Variants in ARHGAP11A observed in about 807,000 individuals in gnomAD.
The protein encoded by ARHGAP11A is Rho GTPase activating protein 11A, also known as rho GTPase-activating protein 11A.
ARHGAP11A carries 36 observed loss-of-function variants against 60.5 expected under a neutral mutation model. The observed-to-expected ratio is 0.59, with a 90% CI of 0.46 to 0.79. ARHGAP11A has a LOEUF of 0.79. Among genes scored for constraint, ARHGAP11A ranks in the 30% least tolerant of loss-of-function variants. The pLI is 0.00. For missense variants in ARHGAP11A, 1,071 were observed against 1,199.2 expected, an observed-to-expected ratio of 0.89 and a Z score of 1.58; for synonymous variants, 362 against 415.5, an observed-to-expected ratio of 0.87 and a Z score of 1.57.
intron 2 of ARHGAP11A, among the ~76,000 whole-genome samples, chr15:32,621,315 G>A (rs796338045): frequency 4.9e-5 from 5 of 102,344 alleles, no homozygotes; most frequent in Admixed American, 3.9e-4. Flanking sequence ...CTCAGCCTCC[G>A]GAGTAGCTGG....
rs1224407636 is a variant in ARHGAP11A, at chr15:32,633,091, A to G, written c.1218A>G (p.Ala406=). Residue 406 remains alanine (A), a synonymous_variant, in exon 9 of 12, where the codon GCA becomes GCG. Transcript: ENST00000361627. ...TGCCAAGGCGAAGTAAAAGAATTGC[A>G]GGCAAAAAAGTTTGCAGGTACTTTA... ...AGVPRRSKRI[A]GKKVCRVESG... 1 of 1,614,082 alleles carries G rather than the reference A, an allele frequency of 6.2e-7. No individual in the cohort carries two copies. The highest frequency in any genetic ancestry group is 1.1e-5 in the South Asian group (1 of 91,080).
rs2053717848 is a variant in ARHGAP11A at position 32,636,519 on chromosome 15, C to A, written c.1746C>A (p.Ser582Arg). Residue 582 changes from serine (S) to arginine (R), a missense_variant, in exon 12 of 12, where the codon AGC becomes AGA. Ser to Arg is a moderately radical substitution (Grantham distance 110, BLOSUM62 -1). This residue lies in a region of ARHGAP11A where 776 missense variants were observed against 760.2 expected (regional missense o/e 1.02). Coordinates refer to ENST00000361627, the MANE Select transcript of ARHGAP11A (RefSeq NM_014783.6). ...NNKHNSNITS[S>R]PLSGDENNMT... ...AGCATAATAGCAACATAACAAGTAGCCCTCTTAGCGGGGATGAAAATAACA... is the reference window on the plus strand; with the variant it reads ...AGCATAATAGCAACATAACAAGTAGACCTCTTAGCGGGGATGAAAATAACA... 1.2e-6 allele frequency: 2 copies of A among 1,613,888 alleles called. No individual in the cohort carries two copies. Among genetic ancestry groups the A allele is most frequent in the Admixed American group, 1.7e-5 (1 of 59,988 alleles).
chr15:32,637,682 T>C lies in ARHGAP11A; in HGVS notation c.2909T>C (p.Ile970Thr), dbSNP rs749355251. ...VPLDDLTNHD[I>T]VKPVVNNNMG... ...TTGGATGATCTGACTAATCATGATATAGTAAAACCAGTTGTAAATAACAAC... is the reference window on the plus strand; with the variant it reads ...TTGGATGATCTGACTAATCATGATACAGTAAAACCAGTTGTAAATAACAAC... Residue 970 changes from isoleucine (I) to threonine (T), a missense_variant, in exon 12 of 12, where the codon ATA becomes ACA. By Grantham distance (89) the Ile-to-Thr change is moderately conservative (BLOSUM62 -1). Around this residue, in one of 4 missense-constraint regions of ARHGAP11A, gnomAD observed 776 missense variants for 760.2 expected, o/e 1.02. Coordinates refer to ENST00000361627, the MANE Select transcript of ARHGAP11A (RefSeq NM_014783.6). 3.1e-6 allele frequency: 5 copies of C among 1,614,064 alleles called. No individual in the cohort carries two copies. The African/African-American group carries it at 4.0e-5, about 13-fold the overall frequency.
Position 32,623,529 on chromosome 15 carries a change from A to G in ARHGAP11A, c.238A>G (p.Ile80Val), listed in dbSNP as rs2053386815. ...VDACTSLEDH[I>V]HTEGLFRKSG... ...TGCTTGCACATCTTTAGAAGACCAT[A>G]TTCATACCGAAGGGCTTTTTCGGAA... Residue 80 changes from isoleucine (I) to valine (V), a missense_variant, in exon 3 of 12, where the codon ATT (isoleucine) becomes GTT (valine). Transcript: ENST00000361627. The G allele has an allele frequency of 6.2e-7, 1 of 1,614,136 alleles. No homozygotes were observed. Among genetic ancestry groups the G allele is most frequent in the Non-Finnish European group, 8.5e-7 (1 of 1,180,018 alleles).
At chr15:32,616,785 C>G (rs909411715) in intron 1 of ARHGAP11A, among the ~76,000 whole-genome samples, 2 of 152,194 alleles carry the variant, frequency 1.3e-5, no homozygotes, top group Non-Finnish European at 2.9e-5. Context: ...CCCCTCCACC[C>G]TTGTTTTAGA....
At chr15:32,618,140 G>A (rs1033279467) in intron 1 of ARHGAP11A, among the ~76,000 whole-genome samples, 6 of 152,172 alleles carry the variant, frequency 3.9e-5, no homozygotes, top group Non-Finnish European at 8.8e-5. Flanking sequence ...GAGATCTAAT[G>A]GGATAGTTTG....
chr15:32,616,811 G>A (rs1288628873), intron 1 of ARHGAP11A, among the ~76,000 whole-genome samples: 1 of 152,220 alleles, frequency 6.6e-6, no homozygotes, highest in South Asian at 2.1e-4. Flanking sequence ...GTTGTAGAGG[G>A]ACAAGGGAGA....
chr15:32,627,228 G>C (rs1398635544), intron 6 of ARHGAP11A, among the ~76,000 whole-genome samples: 2 of 151,782 alleles, frequency 1.3e-5, no homozygotes, highest in Admixed American at 6.6e-5. Flanking sequence ...CTTTTCATTG[G>C]TGCTTTAAGC....
chr15:32,624,278 G>A lies in ARHGAP11A; in HGVS notation c.403G>A (p.Ala135Thr), dbSNP rs1373904326. 1 of 1,613,558 alleles carries A rather than the reference G, an allele frequency of 6.2e-7. No homozygotes were observed. Among genetic ancestry groups the A allele is most frequent in the Non-Finnish European group, 8.5e-7 (1 of 1,179,832 alleles). ...FRELPEPILP[A>T]DLHEALLKAQ... is the part of the protein sequence containing the mutation. The stretch of plus-strand genomic sequence containing the variant: ...GGAACTGCCAGAGCCCATTCTCCCA[G>A]CTGATTTGCATGAAGCACTTTTGAA... Residue 135 changes from alanine to threonine, a missense_variant, in exon 4 of 12, where the codon GCT becomes ACT. By Grantham distance (58) the Ala-to-Thr change is moderately conservative (BLOSUM62 0). Coordinates refer to ENST00000361627, the MANE Select transcript of ARHGAP11A (RefSeq NM_014783.6).
At chr15:32,627,546 A>G (rs896328517) in intron 6 of ARHGAP11A, among the ~76,000 whole-genome samples, 1 of 151,880 alleles carries the variant, frequency 6.6e-6, no homozygotes, top group Non-Finnish European at 1.5e-5. Flanking sequence ...TAGCTAACAC[A>G]GTGAAACCCC....
At chr15:32,633,660 GA>G (rs980127440) in intron 9 of ARHGAP11A, among the ~76,000 whole-genome samples, 30 of 151,592 alleles carry the variant, frequency 2.0e-4, no homozygotes, top group African/African-American at 6.5e-4. Flanking sequence ...AAAAAACAAA[GA>G]AAAAAATTCC....
chr15:32,630,679 G>A (rs181618708), intron 8 of ARHGAP11A, among the ~76,000 whole-genome samples: 1 of 151,780 alleles, frequency 6.6e-6, no homozygotes, highest in African/African-American at 2.4e-5. Context: ...TGTCCAAAAG[G>A]GTTCTTATTT....
At chr15:32,618,758 A>ACCCCCCCCCCCCCCCCC (rs57091917) in intron 1 of ARHGAP11A, among the ~76,000 whole-genome samples, 2 of 117,440 alleles carry the variant, frequency 1.7e-5, no homozygotes, top group African/African-American at 6.5e-5. Context: ...ACACGGTGAA[A>ACCCCCCCCCCCCCCCCC]CCCCCCCCCC....
Position 32,637,951 on chromosome 15 carries a change from T to C in ARHGAP11A, c.*106T>C, listed in dbSNP as rs2053763847. Reference sequence around the variant, plus strand: ...GTAGCTCAGGATGATTGTTAAGCAATAGATTTGCTCTATTGAAAATGTTTC... The same window carrying C: ...GTAGCTCAGGATGATTGTTAAGCAACAGATTTGCTCTATTGAAAATGTTTC... On this transcript the variant is annotated 3_prime_UTR_variant, in exon 12 of 12. Transcript: ENST00000361627. The C allele has an allele frequency of 3.0e-6, 3 of 991,370 alleles. No homozygotes were observed. Among genetic ancestry groups the C allele is most frequent in the East Asian group, 2.6e-5 (1 of 37,888 alleles). 61.4% of individuals were successfully genotyped at this position (991,370 alleles called of 1,614,324 possible).
Position 32,636,781 on chromosome 15 carries a change from T to G in ARHGAP11A, c.2008T>G (p.Ser670Ala). 1.2e-6 allele frequency: 2 copies of G among 1,611,638 alleles called. No individual in the cohort carries two copies. The highest frequency in any genetic ancestry group is 1.7e-6 in the Non-Finnish European group (2 of 1,179,496). Residue 670 changes from serine (S) to alanine (A), a missense_variant, in exon 12 of 12, where the codon TCA becomes GCA. Ser to Ala is a moderately conservative substitution (Grantham distance 99). This residue lies in a region of ARHGAP11A where 776 missense variants were observed against 760.2 expected (regional missense o/e 1.02). Coordinates refer to ENST00000361627, the MANE Select transcript of ARHGAP11A (RefSeq NM_014783.6). ...HHTGKGEKCF[S>A]ERDFSPLQTQ... Reference sequence around the variant, plus strand: ...CACTGGTAAAGGTGAAAAATGTTTTTCAGAGAGGGACTTTTCACCCCTTCA... The same window carrying G: ...CACTGGTAAAGGTGAAAAATGTTTTGCAGAGAGGGACTTTTCACCCCTTCA...
At chr15:32,620,791 G>A (rs1216725186) in intron 2 of ARHGAP11A, among the ~76,000 whole-genome samples, 2 of 151,886 alleles carry the variant, frequency 1.3e-5, no homozygotes, top group Non-Finnish European at 2.9e-5. Flanking sequence ...TATTGGCCAG[G>A]CACAGTAGCT....
chr15:32,623,456 T>C (rs1297193699), intron 2 of ARHGAP11A, 36 bp from the exon 3 acceptor site: 6 of 1,582,306 alleles, frequency 3.8e-6, no homozygotes, highest in Non-Finnish European at 5.2e-6. Flanking sequence ...GGATGTGATA[T>C]GTATGTCTAG....
intron 2 of ARHGAP11A, among the ~76,000 whole-genome samples, chr15:32,621,233 C>G (rs1311309364): frequency 1.5e-5 from 2 of 135,248 alleles, no homozygotes; most frequent in Non-Finnish European, 3.1e-5. Context: ...TCTTGTCGCC[C>G]AGGCTGGAGT....
chr15:32,626,027 T>C (rs1422004930), intron 6 of ARHGAP11A, among the ~76,000 whole-genome samples: 2 of 152,044 alleles, frequency 1.3e-5, no homozygotes, highest in Non-Finnish European at 1.5e-5. Flanking sequence ...CTATGTCTAA[T>C]GTAGATAGTG....
Sources: gnomAD v4.1 joint callset for allele counts (sites outside exome capture counted in the v4.1 genomes callset) on GRCh38, gnomAD v4.1.1 for gene constraint, gnomAD v4.1.1 regional missense constraint, MANE v1.5 for transcripts, NCBI Gene and HGNC (gene_info 2026-07-23, HGNC 2026-07-21) for gene names.